Variants in CAMKMT observed in about 807,000 individuals in gnomAD.
CAMKMT encodes the protein CaM KMT.
A neutral mutation model predicts 48.0 loss-of-function variants in CAMKMT; 53 were observed. That is an observed-to-expected ratio of 1.10 (90% CI 0.89 to 1.39). The LOEUF (loss-of-function observed/expected upper bound fraction) is 1.39, where lower values mean the gene tolerates loss of function less well. Ranked by LOEUF, CAMKMT falls within the 40% of genes most tolerant of loss-of-function variation. The pLI, the probability that CAMKMT is intolerant of heterozygous loss-of-function variation, is 0.00. For synonymous variants in CAMKMT, 165 were observed against 152.3 expected, an observed-to-expected ratio of 1.08 and a Z score of -0.61; for missense variants, 428 against 402.7, an observed-to-expected ratio of 1.06 and a Z score of -0.54.
intron 3 of CAMKMT, among the ~76,000 whole-genome samples, chr2:44,639,272 T>G (rs1673314840): frequency 6.6e-6 from 1 of 152,226 alleles, no homozygotes; most frequent in Admixed American, 6.5e-5. Context: ...TGAGCTTATA[T>G]CAAGGTAATG....
At chr2:44,564,061 A>C (rs556563695) in intron 3 of CAMKMT, among the ~76,000 whole-genome samples, 7 of 152,162 alleles carry the variant, frequency 4.6e-5, no homozygotes, top group Non-Finnish European at 7.3e-5. Flanking sequence ...ACTGTCTTCC[A>C]CAATGATTGA....
At chr2:44,391,943 A>T (rs778880679) in intron 3 of CAMKMT, 3 of 152,606 alleles carry the variant, frequency 2.0e-5, no homozygotes, top group Non-Finnish European at 4.4e-5. Flanking sequence ...TCTGAAATTC[A>T]TCTTGAGCAA....
intron 8 of CAMKMT, among the ~76,000 whole-genome samples, chr2:44,748,205 T>G (rs1679996521): frequency 6.6e-6 from 1 of 152,186 alleles, no homozygotes; most frequent in African/African-American, 2.4e-5. Flanking sequence ...ATTAGAGAAC[T>G]ACAAAGAATT....
Position 44,749,381 on chromosome 2 carries a change from C to T in CAMKMT, c.699-4674C>T, listed in dbSNP as rs570748376. ...CTTTAGGGACATTGAAACTAACACC[C>T]TACATAAGCTCCTCAATTCCAAGGA... On this transcript the variant is annotated intron_variant, in intron 8 of 10. Coordinates refer to ENST00000378494, the MANE Select transcript of CAMKMT (RefSeq NM_024766.5). Among the ~76,000 whole-genome samples, 10 of 152,272 alleles carry T rather than the reference C, an allele frequency of 6.6e-5. No homozygotes were observed. The East Asian group carries it at 1.9e-3, about 29-fold the overall frequency.
At chr2:44,419,123 T>G (rs1420674575) in intron 3 of CAMKMT, among the ~76,000 whole-genome samples, 1 of 152,228 alleles carries the variant, frequency 6.6e-6, no homozygotes. Flanking sequence ...TTAAAGTATG[T>G]GCTATTTATG....
chr2:44,605,750 A>T lies in CAMKMT; in HGVS notation c.377-98533A>T, dbSNP rs116088345. 1.7e-3 allele frequency among the ~76,000 whole-genome samples: 255 copies of T among 152,258 alleles called. 1 individual carries two copies. The highest frequency in any genetic ancestry group is 5.9e-3 in the African/African-American group (244 of 41,574). ...TTAGATTTCAGTTTCTTTGTTGATG[A>T]TCACATATCTTGCTTGTCCTAATTC... is the stretch of plus-strand genomic sequence containing the variant. On this transcript the variant is annotated intron_variant, in intron 3 of 10. Coordinates refer to ENST00000378494, the MANE Select transcript of CAMKMT (RefSeq NM_024766.5).
At chr2:44,596,983 C>T (rs1359439708) in intron 3 of CAMKMT, among the ~76,000 whole-genome samples, 3 of 152,178 alleles carry the variant, frequency 2.0e-5, no homozygotes, top group African/African-American at 7.2e-5. Flanking sequence ...CTAATTAGAT[C>T]TTAGCTGTTA....
At chr2:44,410,247 A>ATATATT (rs1487789970) in intron 3 of CAMKMT, among the ~76,000 whole-genome samples, 2 of 19,486 alleles carry the variant, frequency 1.0e-4, no homozygotes, top group Non-Finnish European at 2.1e-4. Context: ...ATATATATAT[A>ATATATT]TTTTTTTTTT....
At chr2:44,480,513 A>G (rs1284565836) in intron 3 of CAMKMT, among the ~76,000 whole-genome samples, 2 of 151,918 alleles carry the variant, frequency 1.3e-5, no homozygotes, top group African/African-American at 2.4e-5. Flanking sequence ...AGAAATGCCT[A>G]TTCAGAAATT....
chr2:44,717,419 C>G (rs1210040668), intron 7 of CAMKMT, among the ~76,000 whole-genome samples: 1 of 152,136 alleles, frequency 6.6e-6, no homozygotes, highest in African/African-American at 2.4e-5. Flanking sequence ...TGTCAAGAAG[C>G]TAAGAGAAAT....
chr2:44,681,217 A>G (rs977130365), intron 3 of CAMKMT, among the ~76,000 whole-genome samples: 1 of 152,204 alleles, frequency 6.6e-6, no homozygotes, highest in African/African-American at 2.4e-5. Context: ...TCCAGTTTAC[A>G]GTAAGCATAT....
chr2:44,434,780 A>T (rs548652722), intron 3 of CAMKMT, among the ~76,000 whole-genome samples: 1 of 152,198 alleles, frequency 6.6e-6, no homozygotes, highest in Non-Finnish European at 1.5e-5. Context: ...CTCTCCTCCC[A>T]TTTTTAGATA....
chr2:44,582,389 A>G (rs1669612619), intron 3 of CAMKMT, among the ~76,000 whole-genome samples: 1 of 152,250 alleles, frequency 6.6e-6, no homozygotes. Context: ...CCCAAATAGT[A>G]AAATAGATGA....
intron 3 of CAMKMT, among the ~76,000 whole-genome samples, chr2:44,583,930 G>A (rs1276481135): frequency 6.6e-6 from 1 of 152,184 alleles, no homozygotes; most frequent in Non-Finnish European, 1.5e-5. Context: ...GTAGAGATGA[G>A]TATATATGTA....
intron 3 of CAMKMT, among the ~76,000 whole-genome samples, chr2:44,578,164 G>A (rs1378915441): frequency 2.6e-5 from 4 of 152,110 alleles, no homozygotes; most frequent in Admixed American, 6.5e-5. Context: ...TTACCTACAC[G>A]TTATATAAAT....
chr2:44,740,763 G>A (rs1679634541), intron 7 of CAMKMT, among the ~76,000 whole-genome samples: 1 of 152,174 alleles, frequency 6.6e-6, no homozygotes, highest in Non-Finnish European at 1.5e-5. Context: ...CAAGGAAGTT[G>A]AGGGTGTATG....
At chr2:44,692,115 T>C (rs1315020047) in intron 3 of CAMKMT, among the ~76,000 whole-genome samples, 1 of 152,194 alleles carries the variant, frequency 6.6e-6, no homozygotes, top group Non-Finnish European at 1.5e-5. Context: ...CAAAGTTCAG[T>C]TTGTTTTGAT....
In CAMKMT at chr2:44,772,222, A is replaced by T. The variant is rs1573268260; in HGVS notation, c.*109A>T. ...ATCGCCTGCCTGCGCCCTTTGCAGC[A>T]TTTCACGTGTGGGCTATGGACTCCA... On this transcript the variant is annotated 3_prime_UTR_variant, in exon 11 of 11. Transcript: ENST00000378494. The T allele has an allele frequency of 1.2e-6, 1 of 858,348 alleles. No homozygotes were observed. Among genetic ancestry groups the T allele is most frequent in the African/African-American group, 1.7e-5 (1 of 59,676 alleles). 53.2% of individuals were successfully genotyped at this position (858,348 alleles called of 1,614,324 possible). A position where few individuals can be genotyped will look rare whatever the true frequency, so the allele number is the denominator to read the frequency against.
chr2:44,576,174 A>G (rs1212757864), intron 3 of CAMKMT, among the ~76,000 whole-genome samples: 3 of 151,764 alleles, frequency 2.0e-5, no homozygotes, highest in Non-Finnish European at 4.4e-5. Flanking sequence ...TAAAAATACA[A>G]TAAATTAGCC....
Sources: gnomAD v4.1 joint callset for allele counts (sites outside exome capture counted in the v4.1 genomes callset) on GRCh38, gnomAD v4.1.1 for gene constraint, MANE v1.5 for transcripts, NCBI Gene and HGNC (gene_info 2026-07-23, HGNC 2026-07-21) for gene names.